BMERB1: variants seen among roughly 807,000 people sequenced by gnomAD.
BMERB1 encodes the protein bMERB domain containing 1.
In BMERB1, 12 loss-of-function variants were observed where a neutral mutation model predicts 23.6. That is an observed-to-expected ratio of 0.51 (90% CI 0.33 to 0.82). BMERB1 has a LOEUF of 0.82. Among genes scored for constraint, BMERB1 ranks in the 40% least tolerant of loss-of-function variants. The pLI, the probability that BMERB1 is intolerant of heterozygous loss-of-function variation, is 0.03. For synonymous variants in BMERB1, 122 were observed against 96.6 expected (o/e 1.26, Z -1.54); for missense variants, 247 against 255.4 (o/e 0.97, Z 0.22).
intron 1 of BMERB1, among the ~76,000 whole-genome samples, chr16:15,515,099 A>G (rs746083995): frequency 6.6e-6 from 1 of 152,178 alleles, no homozygotes; most frequent in Non-Finnish European, 1.5e-5. Context: ...AACAAAACAA[A>G]GCAAACGAAG....
intron 2 of BMERB1, among the ~76,000 whole-genome samples, chr16:15,518,191 C>T (rs2051798096): frequency 1.3e-5 from 2 of 152,236 alleles, no homozygotes; most frequent in East Asian, 1.9e-4. Context: ...TCATCTAGCC[C>T]ATGAATCTGA....
chr16:15,518,471 G>A (rs376021020), intron 2 of BMERB1, among the ~76,000 whole-genome samples: 10 of 152,122 alleles, frequency 6.6e-5, no homozygotes, highest in Non-Finnish European at 1.2e-4. Flanking sequence ...AGAGATAGAC[G>A]GTGGACACTA....
At chr16:15,488,812 C>T (rs1170120673) in intron 1 of BMERB1, among the ~76,000 whole-genome samples, 8 of 142,306 alleles carry the variant, frequency 5.6e-5, no homozygotes, top group Admixed American at 2.9e-4. Context: ...AGCGAGACTC[C>T]GTCTCAAAAA....
chr16:15,460,395 G>C (rs1054115567), intron 1 of BMERB1, among the ~76,000 whole-genome samples: 2 of 152,054 alleles, frequency 1.3e-5, no homozygotes, highest in Non-Finnish European at 2.9e-5. Context: ...GGATATATAC[G>C]GAACAGATGC....
rs1007949177 is a variant in BMERB1, at chr16:15,587,438, C to T, written c.*609C>T. 6.4e-6 allele frequency: 2 copies of T among 312,690 alleles called. 1 individual carries two copies. Among genetic ancestry groups the T allele is most frequent in the South Asian group, 4.7e-5 (2 of 42,600 alleles). The allele number at this position is 312,690 out of a possible 1,614,324, so 19.4% of individuals were successfully genotyped here. A position where few individuals can be genotyped will look rare whatever the true frequency, so the allele number is the denominator to read the frequency against. ...GGTGTCGTGGTCACATCTCCCGCTT[C>T]CCCCCATCCTGTGTCTGGGCACAGT... On this transcript the variant is annotated 3_prime_UTR_variant, in exon 6 of 6. Coordinates refer to ENST00000300006, the MANE Select transcript of BMERB1 (RefSeq NM_033201.3).
At chr16:15,512,626 C>G (rs777032702) in intron 1 of BMERB1, among the ~76,000 whole-genome samples, 4 of 152,122 alleles carry the variant, frequency 2.6e-5, no homozygotes, top group Non-Finnish European at 5.9e-5. Context: ...CACCTGTAAT[C>G]CCAGCATTAT....
intron 1 of BMERB1, among the ~76,000 whole-genome samples, chr16:15,505,887 CAAAAA>C (rs754187273): frequency 1.8e-5 from 1 of 55,618 alleles, no homozygotes; most frequent in Non-Finnish European, 4.4e-5. Context: ...GACGCCGTTT[CAAAAA>C]AAAAAAAAAA....
chr16:15,506,766 T>C (rs2051596695), intron 1 of BMERB1, among the ~76,000 whole-genome samples: 1 of 152,128 alleles, frequency 6.6e-6, no homozygotes, highest in South Asian at 2.1e-4. Context: ...TTGCTACCTC[T>C]AATTTTAGTG....
intron 2 of BMERB1, 26 bp downstream of exon 2, chr16:15,515,454 G>C: frequency 1.2e-6 from 2 of 1,609,460 alleles, no homozygotes; most frequent in Non-Finnish European, 1.7e-6. Context: ...ATGTGGCCAA[G>C]GAAAGAAGTG....
At position 15,471,360 on chromosome 16, in the gene BMERB1, T is replaced by G. The variant is rs1047471989; in HGVS notation, c.106+36601T>G. Among the ~76,000 whole-genome samples, 18 of 152,198 alleles carry G rather than the reference T, an allele frequency of 1.2e-4. 1 individual carries two copies. The highest frequency in any genetic ancestry group is 2.5e-4 in the Non-Finnish European group (17 of 68,026). ...AGATTTCTCCTGGAGATTTCTCTTT[T>G]GGGAGTTTTTAAATTATGCACTCAT... On this transcript the variant is annotated intron_variant, in intron 1 of 5. Transcript: ENST00000300006.
intron 1 of BMERB1, among the ~76,000 whole-genome samples, chr16:15,468,807 T>C (rs2051205330): frequency 6.6e-6 from 1 of 152,152 alleles, no homozygotes; most frequent in African/African-American, 2.4e-5. Flanking sequence ...CTGAAAGTAT[T>C]ATAGTTTTAC....
At chr16:15,507,372 G>A (rs1256507555) in intron 1 of BMERB1, among the ~76,000 whole-genome samples, 2 of 152,148 alleles carry the variant, frequency 1.3e-5, no homozygotes, top group African/African-American at 2.4e-5. Flanking sequence ...TGGTGCCACC[G>A]CTCAGGAAGC....
chr16:15,439,910 G>A (rs774314002), intron 1 of BMERB1, among the ~76,000 whole-genome samples: 1 of 152,098 alleles, frequency 6.6e-6, no homozygotes, highest in Non-Finnish European at 1.5e-5. Flanking sequence ...CAGGGGAAAT[G>A]GAGGAGTTGG....
At chr16:15,478,117 T>C (rs1015067424) in intron 1 of BMERB1, among the ~76,000 whole-genome samples, 6 of 152,010 alleles carry the variant, frequency 3.9e-5, no homozygotes, top group Non-Finnish European at 7.4e-5. Context: ...TAAGAAATCC[T>C]TCTCGACATT....
intron 1 of BMERB1, among the ~76,000 whole-genome samples, chr16:15,447,784 T>C (rs1391652221): frequency 6.6e-6 from 1 of 151,860 alleles, no homozygotes; most frequent in Non-Finnish European, 1.5e-5. Flanking sequence ...AGTTGTGAGA[T>C]AAAAAGGATG....
intron 1 of BMERB1, among the ~76,000 whole-genome samples, chr16:15,503,709 AGGAG>A (rs2051554591): frequency 6.6e-6 from 1 of 152,168 alleles, no homozygotes; most frequent in Admixed American, 6.5e-5. Context: ...TTCATGAGGC[AGGAG>A]TTATTAGTCC....
intron 1 of BMERB1, among the ~76,000 whole-genome samples, chr16:15,474,519 G>A (rs1021623973): frequency 6.6e-6 from 1 of 151,736 alleles, no homozygotes; most frequent in African/African-American, 2.4e-5. Flanking sequence ...ACAGGCATGT[G>A]CCACCACACT....
intron 1 of BMERB1, among the ~76,000 whole-genome samples, chr16:15,500,273 C>T (rs1039352996): frequency 1.3e-5 from 2 of 152,150 alleles, no homozygotes; most frequent in Non-Finnish European, 2.9e-5. Flanking sequence ...GGGCAGCCGA[C>T]CTGTGGGGCC....
At chr16:15,577,761 AAC>A (rs1187162171) in intron 3 of BMERB1, among the ~76,000 whole-genome samples, 6 of 152,246 alleles carry the variant, frequency 3.9e-5, no homozygotes, top group Admixed American at 2.6e-4. Flanking sequence ...AGAGGCTGCA[AAC>A]ACAGTGTATT....
Sources: allele counts gnomAD v4.1 joint callset (sites outside exome capture counted in the v4.1 genomes callset), GRCh38; gene constraint gnomAD v4.1.1; transcripts MANE v1.5; gene names NCBI Gene and HGNC (gene_info 2026-07-23, HGNC 2026-07-21).